The following GALNTL6 variants were observed in gnomAD, a reference collection of about 807,000 sequenced individuals.
GALNTL6 encodes the protein polypeptide N-acetylgalactosaminyltransferase-like 6.
A neutral mutation model predicts 73.7 loss-of-function variants in GALNTL6; 46 were observed. That is an observed-to-expected ratio of 0.62 (90% CI 0.49 to 0.80). The LOEUF (loss-of-function observed/expected upper bound fraction) is 0.80. GALNTL6 is among the 30% of genes least tolerant of loss of function. GALNTL6 has a pLI of 0.00. For missense variants in GALNTL6, 604 were observed against 755.0 expected, an observed-to-expected ratio of 0.80 and a Z score of 2.34; for synonymous variants, 259 against 263.7, an observed-to-expected ratio of 0.98 and a Z score of 0.17.
chr4:171,981,440 T>TCAA lies in GALNTL6; in HGVS notation c.138+166724_138+166726dup, dbSNP rs527484390. The stretch of plus-strand genomic sequence containing the variant: ...TCAGTTTACATTGCCAGGGTGAAAC[T>TCAA]CAACTGTTTTGTGGTTAAGATCTTG... On this transcript the variant is annotated intron_variant, in intron 2 of 12. Transcript: ENST00000506823. Among the ~76,000 whole-genome samples the TCAA allele has an allele frequency of 8.5e-5, 13 of 152,336 alleles. No individual in the cohort carries two copies. In the East Asian group the frequency reaches 2.5e-3, roughly 29 times the overall value.
chr4:172,607,619 A>T (rs1343601398), intron 5 of GALNTL6, among the ~76,000 whole-genome samples: 1 of 152,140 alleles, frequency 6.6e-6, no homozygotes, highest in Non-Finnish European at 1.5e-5. Context: ...TATAGCCAAT[A>T]ATGGGGTTGT....
Position 172,316,351 on chromosome 4 carries a change from T to A in GALNTL6, c.386+4599T>A, listed in dbSNP as rs112359419. 1.9e-3 allele frequency among the ~76,000 whole-genome samples: 290 copies of A among 152,338 alleles called. 1 individual carries two copies. The highest frequency in any genetic ancestry group is 6.6e-3 in the African/African-American group (276 of 41,584). ...TTATGCACCTACATGTTACCTGAGA[T>A]AGACTTCTAAGGTGGCTGAGTAGCT... On this transcript the variant is annotated intron_variant, in intron 4 of 12. Coordinates refer to ENST00000506823, the MANE Select transcript of GALNTL6 (RefSeq NM_001034845.3).
chr4:172,303,860 A>G (rs912959857), intron 3 of GALNTL6, among the ~76,000 whole-genome samples: 2 of 152,144 alleles, frequency 1.3e-5, no homozygotes, highest in African/African-American at 2.4e-5. Context: ...CCTGCCCAAG[A>G]ATGAAACAGT....
chr4:172,653,071 T>C (rs904052512), intron 5 of GALNTL6, among the ~76,000 whole-genome samples: 1 of 151,976 alleles, frequency 6.6e-6, no homozygotes, highest in Non-Finnish European at 1.5e-5. Context: ...AAAATGTGCT[T>C]TTCCACCAGA....
At chr4:172,601,978 G>A (rs1432269750) in intron 5 of GALNTL6, among the ~76,000 whole-genome samples, 1 of 151,970 alleles carries the variant, frequency 6.6e-6, no homozygotes, top group East Asian at 1.9e-4. Flanking sequence ...TCTGGGGCTG[G>A]GGGACACTTC....
intron 5 of GALNTL6, among the ~76,000 whole-genome samples, chr4:172,367,979 T>G (rs184399281): frequency 6.6e-6 from 1 of 152,352 alleles, no homozygotes; most frequent in African/African-American, 2.4e-5. Context: ...CAGTATTAAC[T>G]GAAGACACAA....
rs553975932 is a variant in GALNTL6, at chr4:172,546,579, A to G, written c.553+197890A>G. Among the ~76,000 whole-genome samples the G allele has an allele frequency of 1.1e-4, 16 of 151,450 alleles. No individual in the cohort carries two copies. The South Asian group carries it at 3.3e-3, about 32-fold the overall frequency. On this transcript the variant is annotated intron_variant, in intron 5 of 12. Coordinates refer to ENST00000506823, the MANE Select transcript of GALNTL6 (RefSeq NM_001034845.3). ...TGTTTCTTCTTGCCTTCCAACCATG[A>G]TAAGTAGACCTGGAAAAGGACTGTC...
intron 2 of GALNTL6, among the ~76,000 whole-genome samples, chr4:172,019,785 A>G (rs907921184): frequency 6.6e-6 from 1 of 152,062 alleles, no homozygotes; most frequent in African/African-American, 2.4e-5. Context: ...AACAACAACA[A>G]AAATCGGACT....
At chr4:172,393,312 C>T (rs920892809) in intron 5 of GALNTL6, among the ~76,000 whole-genome samples, 4 of 152,172 alleles carry the variant, frequency 2.6e-5, no homozygotes, top group Non-Finnish European at 5.9e-5. Flanking sequence ...GGCAACATCA[C>T]CCCTCCACAT....
intron 5 of GALNTL6, among the ~76,000 whole-genome samples, chr4:172,673,608 GTCTT>G (rs1040814451): frequency 1.3e-5 from 2 of 152,158 alleles, no homozygotes; most frequent in African/African-American, 4.8e-5. Flanking sequence ...GGGAGTCTAA[GTCTT>G]TTTGAAGGTC....
At chr4:172,208,080 T>G (rs1032872205) in intron 2 of GALNTL6, among the ~76,000 whole-genome samples, 2 of 152,162 alleles carry the variant, frequency 1.3e-5, no homozygotes, top group Non-Finnish European at 2.9e-5. Flanking sequence ...TTTAGTTCTT[T>G]GTGGAATCCT....
intron 10 of GALNTL6, among the ~76,000 whole-genome samples, chr4:172,965,441 G>C (rs1229998530): frequency 6.6e-6 from 1 of 152,006 alleles, no homozygotes; most frequent in Non-Finnish European, 1.5e-5. Flanking sequence ...AAATTAGCTG[G>C]GCGTGGTGGC....
At chr4:172,072,464 C>T (rs1031459923) in intron 2 of GALNTL6, among the ~76,000 whole-genome samples, 13 of 151,706 alleles carry the variant, frequency 8.6e-5, no homozygotes, top group Admixed American at 2.0e-4. Flanking sequence ...CTTCAAATAA[C>T]GCCTCACCTT....
chr4:171,920,722 A>C (rs557134462), intron 2 of GALNTL6, among the ~76,000 whole-genome samples: 1 of 152,260 alleles, frequency 6.6e-6, no homozygotes, highest in East Asian at 1.9e-4. Context: ...ATACACACAA[A>C]CACAGTCATA....
At chr4:172,131,501 T>C (rs1163053435) in intron 2 of GALNTL6, among the ~76,000 whole-genome samples, 1 of 148,434 alleles carries the variant, frequency 6.7e-6, no homozygotes, top group Non-Finnish European at 1.5e-5. Flanking sequence ...ATATATATTT[T>C]ATATATGTGT....
chr4:172,383,819 C>G (rs977837555), intron 5 of GALNTL6, among the ~76,000 whole-genome samples: 3 of 152,060 alleles, frequency 2.0e-5, no homozygotes, highest in Non-Finnish European at 4.4e-5. Flanking sequence ...AAGCTCTTAT[C>G]ATGTAAGGAT....
intron 12 of GALNTL6, among the ~76,000 whole-genome samples, chr4:173,033,742 A>G (rs1027366027): frequency 6.6e-6 from 1 of 152,218 alleles, no homozygotes; most frequent in Non-Finnish European, 1.5e-5. Context: ...CTTAATTCCA[A>G]GCCTTCATTC....
At chr4:172,622,943 G>T (rs1225619946) in intron 5 of GALNTL6, among the ~76,000 whole-genome samples, 1 of 152,088 alleles carries the variant, frequency 6.6e-6, no homozygotes, top group Non-Finnish European at 1.5e-5. Context: ...AAAAATTTGT[G>T]TTTTTTAAGA....
chr4:171,987,880 C>T (rs932858196), intron 2 of GALNTL6, among the ~76,000 whole-genome samples: 1 of 151,934 alleles, frequency 6.6e-6, no homozygotes, highest in African/African-American at 2.4e-5. Context: ...TCATGGGGGT[C>T]AGGTGTGGTA....
Sources: gnomAD v4.1 joint callset for allele counts (sites outside exome capture counted in the v4.1 genomes callset) on GRCh38, gnomAD v4.1.1 for gene constraint, MANE v1.5 for transcripts, NCBI Gene and HGNC (gene_info 2026-07-23, HGNC 2026-07-21) for gene names.